Variants in RADIL observed in about 807,000 individuals in gnomAD.
RADIL encodes the protein ras-associating and dilute domain-containing protein.
RADIL carries 99 observed loss-of-function variants against 97.6 expected under a neutral mutation model. The ratio of observed to expected loss-of-function variants is 1.01; its 90% CI spans 0.86 to 1.20. RADIL has a LOEUF of 1.20. RADIL is among the 50% of genes most tolerant of loss of function. The probability of loss-of-function intolerance (pLI) is 0.00; values close to 1 mark genes in which losing one functional copy is unlikely to be tolerated. For missense variants in RADIL, 1,765 were observed against 1,498.9 expected, an observed-to-expected ratio of 1.18 and a Z score of -2.93; for synonymous variants, 803 against 691.8, an observed-to-expected ratio of 1.16 and a Z score of -2.52.
At chr7:4,861,971 C>T (rs1372622925) in intron 2 of RADIL, 3 of 459,016 alleles carry the variant, frequency 6.5e-6, no homozygotes, top group Admixed American at 3.9e-5. Flanking sequence ...AGGAGCTTCT[C>T]CTCCTTCCCC....
intron 9 of RADIL, chr7:4,809,410 C>T (rs1782470679): frequency 1.0e-6 from 1 of 985,326 alleles, no homozygotes; most frequent in Admixed American, 6.1e-5. Context: ...GTCGCTGCTG[C>T]CTCCTTTCCG....
chr7:4,838,068 G>A (rs992921048), intron 2 of RADIL: 115 of 985,230 alleles, frequency 1.2e-4, no homozygotes, highest in Non-Finnish European at 1.3e-4. Flanking sequence ...GCAGCCCGCA[G>A]GGGGCCAGGG....
rs1449068572 is a variant in RADIL at position 4,821,945 on chromosome 7, C to A, written c.1615+449G>T. Among the ~76,000 whole-genome samples, 1 of 152,134 alleles carries A rather than the reference C, an allele frequency of 6.6e-6. No homozygotes were observed. The highest frequency in any genetic ancestry group is 2.4e-5 in the African/African-American group (1 of 41,402). On this transcript the variant is annotated intron_variant, in intron 6 of 14. Coordinates refer to ENST00000399583, the MANE Select transcript of RADIL (RefSeq NM_018059.5). The surrounding 1 kb of genome is among the most constrained non-coding windows in gnomAD (Gnocchi z 5.2). ...TCTACAATTTCACAACAATGACTGG[C>A]AACATCTGTCCTTCTGGAATAACGG...
At position 4,879,122 on chromosome 7, in the gene RADIL, C is replaced by T. The variant is rs1784432220; in HGVS notation, c.-64-919G>A. Among the ~76,000 whole-genome samples, 1 of 152,232 alleles carries T rather than the reference C, an allele frequency of 6.6e-6. No homozygotes were observed. Among genetic ancestry groups the T allele is most frequent in the South Asian group, 2.1e-4 (1 of 4,836 alleles). ...CGGGCACAAAGGGCCCCTCTCGAGC[C>T]GGTGCAGGCATGGCCGGAATGCAGG... On this transcript the variant is annotated intron_variant, in intron 1 of 14. Transcript: ENST00000399583. This position sits in a 1 kb window ranked among gnomAD's most constrained non-coding sequence, Gnocchi z 4.1.
At chr7:4,875,064 C>G (rs563364958) in intron 2 of RADIL, among the ~76,000 whole-genome samples, 1 of 140,182 alleles carries the variant, frequency 7.1e-6, no homozygotes, top group African/African-American at 3.3e-5. Flanking sequence ...TGGTGGCGGG[C>G]GCCTGTAGTC....
Position 4,873,678 on chromosome 7 carries a change from G to A in RADIL, c.535+3927C>T, listed in dbSNP as rs1017750159. Among the ~76,000 whole-genome samples, 6 of 152,200 alleles carry A rather than the reference G, an allele frequency of 3.9e-5. No homozygotes were observed. The highest frequency in any genetic ancestry group is 1.2e-4 in the African/African-American group (5 of 41,450). ...CCCCCACCTTCCCCCAAAGCGACACGGTGACACATGCCCCACACTGAGGGC... is the reference window on the plus strand; with the variant it reads ...CCCCCACCTTCCCCCAAAGCGACACAGTGACACATGCCCCACACTGAGGGC... On this transcript the variant is annotated intron_variant, in intron 2 of 14. Coordinates refer to ENST00000399583, the MANE Select transcript of RADIL (RefSeq NM_018059.5). The surrounding 1 kb of genome is among the most constrained non-coding windows in gnomAD (Gnocchi z 4.3).
Position 4,799,106 on chromosome 7 carries a change from A to T in RADIL, c.*272T>A. 2.3e-6 allele frequency: 1 copy of T among 435,710 alleles called. No individual in the cohort carries two copies. 27.0% of individuals were successfully genotyped at this position (435,710 alleles called of 1,614,324 possible). ...TTGAGACCCCAGCAGGGCACCCTCT[A>T]AGAACGGGAAAAATAGTTTATTGAA... On this transcript the variant is annotated 3_prime_UTR_variant, in exon 15 of 15. Transcript: ENST00000399583.
At position 4,814,313 on chromosome 7, in the gene RADIL, A is replaced by G. The variant is rs1782619977; in HGVS notation, c.2139+965T>C. 6.6e-6 allele frequency among the ~76,000 whole-genome samples: 1 copy of G among 152,182 alleles called. No homozygotes were observed. Among genetic ancestry groups the G allele is most frequent in the African/African-American group, 2.4e-5 (1 of 41,436 alleles). ...TTACGAATTTTCTACAGTCAATAAAAATGCTTCACTTTTTTTTTCTTTTGA... is the reference window on the plus strand; with the variant it reads ...TTACGAATTTTCTACAGTCAATAAAGATGCTTCACTTTTTTTTTCTTTTGA... On this transcript the variant is annotated intron_variant, in intron 9 of 14. Coordinates refer to ENST00000399583, the MANE Select transcript of RADIL (RefSeq NM_018059.5). The surrounding 1 kb of genome is among the most constrained non-coding windows in gnomAD (Gnocchi z 4.5).
At position 4,799,485 on chromosome 7, in the gene RADIL, T is replaced by C. The variant is rs1350003290; in HGVS notation, c.3123-2A>G. On this transcript the variant is annotated splice_acceptor_variant, in intron 14 of 14. Transcript: ENST00000399583. LOFTEE classifies it high-confidence loss of function. ...CCATGACGGATCAGGTCCACAGCTC[T>C]GAAATCCATGCCAGAGGTGGGGGTG... 1 of 1,613,706 alleles carries C rather than the reference T, an allele frequency of 6.2e-7. No individual in the cohort carries two copies. Among genetic ancestry groups the C allele is most frequent in the Non-Finnish European group, 8.5e-7 (1 of 1,179,842 alleles).
Position 4,845,481 on chromosome 7 carries a change from G to A in RADIL, c.536-8876C>T, listed in dbSNP as rs531906278. On this transcript the variant is annotated intron_variant, in intron 2 of 14. Transcript: ENST00000399583. ...AAACACCAGAATCCCATCTCTAATC[G>A]ATCAATAAATGAAGTAAATGAATGC... 3.3e-5 allele frequency among the ~76,000 whole-genome samples: 5 copies of A among 152,236 alleles called. No individual in the cohort carries two copies. The South Asian group carries it at 6.2e-4, about 19-fold the overall frequency.
intron 5 of RADIL, among the ~76,000 whole-genome samples, chr7:4,826,100 C>T (rs1013605421): frequency 4.0e-5 from 6 of 151,218 alleles, no homozygotes; most frequent in African/African-American, 9.7e-5. Context: ...CCCAGCTACT[C>T]GGGAGGCTGA....
chr7:4,824,206 G>A lies in RADIL; in HGVS notation c.1455-1652C>T, dbSNP rs1050168846. ...CCTTGTCACCTGTGTCCCTTACTGG[G>A]GGGATTCTAAGGGGTGAGCCAGGCA... is the stretch of plus-strand genomic sequence containing the variant. On this transcript the variant is annotated intron_variant, in intron 5 of 14. Coordinates refer to ENST00000399583, the MANE Select transcript of RADIL (RefSeq NM_018059.5). This position sits in a 1 kb window ranked among gnomAD's most constrained non-coding sequence, Gnocchi z 6.7. Among the ~76,000 whole-genome samples the A allele has an allele frequency of 2.6e-5, 4 of 152,244 alleles. No individual in the cohort carries two copies. The highest frequency in any genetic ancestry group is 2.6e-4 in the Admixed American group (4 of 15,280).
chr7:4,829,729 T>C (rs1220773851), intron 5 of RADIL, among the ~76,000 whole-genome samples: 3 of 152,014 alleles, frequency 2.0e-5, no homozygotes, highest in Non-Finnish European at 2.9e-5. Flanking sequence ...ATGAGATCTG[T>C]TGGTTTTAGA....
chr7:4,862,920 AT>A (rs1784053084), intron 2 of RADIL, among the ~76,000 whole-genome samples: 1 of 151,896 alleles, frequency 6.6e-6, no homozygotes. Context: ...AAAATTAAAA[AT>A]AAAAATAAAA....
Position 4,861,871 on chromosome 7 carries a change from C to G in RADIL, c.535+15734G>C, listed in dbSNP as rs1206057971. 8 of 1,215,004 alleles carry G rather than the reference C, an allele frequency of 6.6e-6. No individual in the cohort carries two copies. The Admixed American group carries it at 2.7e-4, about 41-fold the overall frequency. The allele number at this position is 1,215,004 out of a possible 1,614,324, so 75.3% of individuals were successfully genotyped here. On this transcript the variant is annotated intron_variant, in intron 2 of 14. Coordinates refer to ENST00000399583, the MANE Select transcript of RADIL (RefSeq NM_018059.5). ...CCACCGCGACCTTCGCGGCCGCCGC[C>G]CGGGTCATGATCCGCTGAGGCGGAA... is the stretch of plus-strand genomic sequence containing the variant.
chr7:4,825,745 A>G (rs1294523240), intron 5 of RADIL, among the ~76,000 whole-genome samples: 1 of 152,008 alleles, frequency 6.6e-6, no homozygotes, highest in Non-Finnish European at 1.5e-5. Context: ...GCGTGGTGGC[A>G]TGTTCCTGTT....
chr7:4,847,438 T>G (rs1783600115), intron 2 of RADIL, among the ~76,000 whole-genome samples: 1 of 152,192 alleles, frequency 6.6e-6, no homozygotes, highest in South Asian at 2.1e-4. Flanking sequence ...GCTTGTCGGT[T>G]TGTTAAAATG....
rs894868460 is a variant in RADIL at position 4,873,412 on chromosome 7, C to T, written c.535+4193G>A. ...CGTGCACATCACATCACCACATGCA[C>T]AGGCCAGGGGTCCCTTCCCTTTCTC... On this transcript the variant is annotated intron_variant, in intron 2 of 14. Coordinates refer to ENST00000399583, the MANE Select transcript of RADIL (RefSeq NM_018059.5). This position sits in a 1 kb window ranked among gnomAD's most constrained non-coding sequence, Gnocchi z 4.3. 1.3e-5 allele frequency among the ~76,000 whole-genome samples: 2 copies of T among 152,198 alleles called. No homozygotes were observed. Among genetic ancestry groups the T allele is most frequent in the African/African-American group, 4.8e-5 (2 of 41,456 alleles).
rs1041334810 is a variant in RADIL, at chr7:4,842,625, C to G, written c.536-6020G>C. ...ACACAGGCTCTTCCTGAACGTTGCTCAATTCCTCTATAAACTCAGCCGGCA... is the reference window on the plus strand; with the variant it reads ...ACACAGGCTCTTCCTGAACGTTGCTGAATTCCTCTATAAACTCAGCCGGCA... On this transcript the variant is annotated intron_variant, in intron 2 of 14. Coordinates refer to ENST00000399583, the MANE Select transcript of RADIL (RefSeq NM_018059.5). The surrounding 1 kb of genome is among the most constrained non-coding windows in gnomAD (Gnocchi z 4.5). Among the ~76,000 whole-genome samples, 2 of 152,160 alleles carry G rather than the reference C, an allele frequency of 1.3e-5. No individual in the cohort carries two copies. Among genetic ancestry groups the G allele is most frequent in the Non-Finnish European group, 2.9e-5 (2 of 68,022 alleles).
Sources: allele counts gnomAD v4.1 joint callset (sites outside exome capture counted in the v4.1 genomes callset), GRCh38; gene constraint gnomAD v4.1.1; non-coding constraint Gnocchi (gnomAD v3.1); transcripts MANE v1.5; gene names NCBI Gene and HGNC (gene_info 2026-07-23, HGNC 2026-07-21).